Variants in MS4A1 observed in about 807,000 individuals in gnomAD.
MS4A1 encodes the protein B-lymphocyte antigen CD20.
In MS4A1, 16 loss-of-function variants were observed where a neutral mutation model predicts 26.5. The observed-to-expected ratio is 0.60, with a 90% CI of 0.41 to 0.92. MS4A1 has a LOEUF of 0.92. Ranked by LOEUF, MS4A1 falls within the 40% of genes least tolerant of loss-of-function variation. The probability of loss-of-function intolerance (pLI) is 0.00; values close to 1 mark genes in which losing one functional copy is unlikely to be tolerated. For synonymous variants in MS4A1, 128 were observed against 117.6 expected (o/e 1.09, Z -0.57); for missense variants, 350 against 353.0 (o/e 0.99, Z 0.07).
At chr11:60,461,482 G>A (rs2086247398) in intron 2 of MS4A1, among the ~76,000 whole-genome samples, 1 of 151,650 alleles carries the variant, frequency 6.6e-6, no homozygotes, top group Non-Finnish European at 1.5e-5. Flanking sequence ...TGACTCAGGA[G>A]GCCACAGTCT....
chr11:60,464,018 C>T (rs2086270245), intron 4 of MS4A1: 1 of 530,220 alleles, frequency 1.9e-6, no homozygotes, highest in Non-Finnish European at 3.4e-6. Flanking sequence ...TGAGTTCTGT[C>T]TCTTTGGTCT....
intron 6 of MS4A1, 71 bp downstream of exon 6, chr11:60,466,228 A>G (rs904399743): frequency 8.0e-7 from 1 of 1,251,348 alleles, no homozygotes; most frequent in African/African-American, 1.5e-5. Flanking sequence ...TATTATGAGC[A>G]TGAACTCTGG....
intron 7 of MS4A1, among the ~76,000 whole-genome samples, chr11:60,467,403 A>G (rs1331363670): frequency 6.6e-6 from 1 of 151,238 alleles, no homozygotes; most frequent in African/African-American, 2.4e-5. Context: ...CACCCTCCCG[A>G]GTAGCTGGGA....
In MS4A1 at chr11:60,455,943, C is replaced by G. The variant is rs2086200044; in HGVS notation, c.-282C>G. On this transcript the variant is annotated splice_region_variant and 5_prime_UTR_variant, in exon 1 of 8. Transcript: ENST00000345732. ...CTTGAGATTTGAGGCCTTGGAGACT[C>G]AGGTAAGGAATCAATTTGCTTTCTT... is the stretch of plus-strand genomic sequence containing the variant. 6.6e-6 allele frequency: 1 copy of G among 152,190 alleles called. No individual in the cohort carries two copies. The allele number at this position is 152,190 out of a possible 1,614,324, so 9.4% of individuals were successfully genotyped here. A position where few individuals can be genotyped will look rare whatever the true frequency, so the allele number is the denominator to read the frequency against.
chr11:60,461,798 G>A (rs1033555089), intron 2 of MS4A1, among the ~76,000 whole-genome samples: 1 of 150,888 alleles, frequency 6.6e-6, no homozygotes, highest in Non-Finnish European at 1.5e-5. Context: ...TGGATTACAG[G>A]CATGAGCCAC....
chr11:60,467,277 CT>C lies in MS4A1; in HGVS notation c.675+235del, dbSNP rs201750543. 3.9e-3 allele frequency among the ~76,000 whole-genome samples: 527 copies of C among 134,510 alleles called. 1 individual carries two copies. The highest frequency in any genetic ancestry group is 8.0e-3 in the Middle Eastern group (2 of 250). The allele number at this position is 134,510 out of a possible 152,430, so 88.2% of individuals were successfully genotyped here. A position where few individuals can be genotyped will look rare whatever the true frequency, so the allele number is the denominator to read the frequency against. On this transcript the variant is annotated intron_variant, in intron 7 of 7. Coordinates refer to ENST00000345732, the MANE Select transcript of MS4A1 (RefSeq NM_152866.3). ...GCCTACAGTTCTATATTCTGTGCGTCTTTTTTTTTTTTTTTTTTGAGACAGA... is the reference window on the plus strand; with the variant it reads ...GCCTACAGTTCTATATTCTGTGCGTCTTTTTTTTTTTTTTTTTGAGACAGA...
chr11:60,462,231 G>A lies in MS4A1; in HGVS notation c.-144G>A. 2 of 877,250 alleles carry A rather than the reference G, an allele frequency of 2.3e-6. No homozygotes were observed. The highest frequency in any genetic ancestry group is 3.7e-6 in the Non-Finnish European group (2 of 539,166). The allele number at this position is 877,250 out of a possible 1,614,324, so 54.3% of individuals were successfully genotyped here. ...TCAGATCCAAGGTCACTCGGAAGAG[G>A]CCATGTCTACCCTCAATGACACTCA... On this transcript the variant is annotated 5_prime_UTR_variant, in exon 3 of 8. Transcript: ENST00000345732.
intron 1 of MS4A1, chr11:60,458,270 C>G (rs1182441375): frequency 6.6e-6 from 1 of 152,152 alleles, no homozygotes; most frequent in African/African-American, 2.4e-5. Flanking sequence ...AAATGCAAAA[C>G]TATTTTGAGT....
At chr11:60,459,315 A>G (rs1565193162) in intron 1 of MS4A1, among the ~76,000 whole-genome samples, 1 of 152,202 alleles carries the variant, frequency 6.6e-6, no homozygotes, top group Non-Finnish European at 1.5e-5. Context: ...AAGTAGTCAA[A>G]ATGCCTACTT....
In MS4A1 at chr11:60,469,209, G is replaced by A. The variant is rs2086323309; in HGVS notation, c.*741G>A. 6.6e-6 allele frequency: 1 copy of A among 152,118 alleles called. No individual in the cohort carries two copies. The highest frequency in any genetic ancestry group is 1.5e-5 in the Non-Finnish European group (1 of 67,992). 9.4% of individuals were successfully genotyped at this position (152,118 alleles called of 1,614,324 possible). A position where few individuals can be genotyped will look rare whatever the true frequency, so the allele number is the denominator to read the frequency against. On this transcript the variant is annotated 3_prime_UTR_variant, in exon 8 of 8. Transcript: ENST00000345732. ...ACCATAGAAAATGCCACCATGAGGT[G>A]CCCAAATTTCAAATAATAATTAACA...
rs746620125 is a variant in MS4A1 at position 60,462,296 on chromosome 11, A to C, written c.-79A>C. 2.0e-6 allele frequency: 3 copies of C among 1,485,028 alleles called. No individual in the cohort carries two copies. The East Asian group carries it at 6.8e-5, about 34-fold the overall frequency. The allele number at this position is 1,485,028 out of a possible 1,614,324, so 92.0% of individuals were successfully genotyped here. A position where few individuals can be genotyped will look rare whatever the true frequency, so the allele number is the denominator to read the frequency against. ...AGAGAAGCATTCAGATGCATGACAC[A>C]AGGTAAGACTGCCAAAAATCTTGTT... On this transcript the variant is annotated 5_prime_UTR_variant, in exon 3 of 8. Transcript: ENST00000345732.
intron 1 of MS4A1, among the ~76,000 whole-genome samples, chr11:60,459,786 G>A (rs76682140): frequency 0.018 from 2,670 of 152,166 alleles, 63 homozygotes; most frequent in African/African-American, 0.054. Flanking sequence ...TAGCCCATGC[G>A]CCAGACAGAT....
intron 6 of MS4A1, 133 bp from the exon 7 acceptor site, chr11:60,466,826 C>T: frequency 2.3e-6 from 2 of 877,036 alleles, no homozygotes; most frequent in Admixed American, 2.0e-5. Flanking sequence ...GCAGTTCTCA[C>T]AGCTATTCAT....
At chr11:60,457,538 A>T (rs1474941218) in intron 1 of MS4A1, among the ~76,000 whole-genome samples, 2 of 152,210 alleles carry the variant, frequency 1.3e-5, no homozygotes, top group African/African-American at 2.4e-5. Flanking sequence ...AAAGACCCAC[A>T]TGCAAAATGT....
At position 60,464,326 on chromosome 11, in the gene MS4A1, A is replaced by C. The variant is rs2086273019; in HGVS notation, c.318A>C (p.Lys106Asn). 1 of 1,613,172 alleles carries C rather than the reference A, an allele frequency of 6.2e-7. No individual in the cohort carries two copies. Among genetic ancestry groups the C allele is most frequent in the Non-Finnish European group, 8.5e-7 (1 of 1,179,728 alleles). Residue 106 changes from lysine to asparagine, a missense_variant, in exon 5 of 8, where the codon AAA becomes AAC. By Grantham distance (94) the Lys-to-Asn change is moderately conservative. Transcript: ENST00000345732. ...ISGSLLAATE[K>N]NSRKCLVKGK... ...GATCACTCCTGGCAGCAACGGAGAAAAACTCCAGGAAGTGTTTGGCAAGTA... is the reference window on the plus strand; with the variant it reads ...GATCACTCCTGGCAGCAACGGAGAACAACTCCAGGAAGTGTTTGGCAAGTA...
intron 1 of MS4A1, among the ~76,000 whole-genome samples, chr11:60,457,521 A>G (rs2086214100): frequency 6.6e-6 from 1 of 152,202 alleles, no homozygotes; most frequent in South Asian, 2.1e-4. Context: ...GACTCTGGAT[A>G]TAGAAAAAAG....
At chr11:60,466,344 C>G (rs920175766) in intron 6 of MS4A1, among the ~76,000 whole-genome samples, 187 bp downstream of exon 6, 2 of 152,148 alleles carry the variant, frequency 1.3e-5, no homozygotes, top group Non-Finnish European at 2.9e-5. Flanking sequence ...GATGGTAACA[C>G]TATTTATCTA....
At chr11:60,466,451 T>C (rs1386345826) in intron 6 of MS4A1, 3 of 426,750 alleles carry the variant, frequency 7.0e-6, no homozygotes. Context: ...GGCTTTAACA[T>C]TAATTATTCT....
intron 5 of MS4A1, among the ~76,000 whole-genome samples, chr11:60,464,693 T>C (rs2086276464): frequency 6.6e-6 from 1 of 152,254 alleles, no homozygotes; most frequent in Admixed American, 6.5e-5. Context: ...ATTCAAATTC[T>C]AGCTAAGCCA....
Sources: allele counts gnomAD v4.1 joint callset (sites outside exome capture counted in the v4.1 genomes callset), GRCh38; gene constraint gnomAD v4.1.1; transcripts MANE v1.5; gene names NCBI Gene and HGNC (gene_info 2026-07-23, HGNC 2026-07-21).